The following PTPRD variants were observed in gnomAD, a reference collection of about 807,000 sequenced individuals.
PTPRD encodes the protein receptor-type tyrosine-protein phosphatase delta.
Under a neutral mutation model 214.5 loss-of-function variants are expected in PTPRD, and 34 were observed. That is an observed-to-expected ratio of 0.16 (90% CI 0.12 to 0.21). The LOEUF (loss-of-function observed/expected upper bound fraction) is 0.21, where lower values mean the gene tolerates loss of function less well. Ranked by LOEUF, PTPRD falls within the 10% of genes least tolerant of loss-of-function variation. PTPRD has a pLI of 1.00. For synonymous variants in PTPRD, 1,128 were observed against 845.7 expected (o/e 1.33, Z -5.79); for missense variants, 2,545 against 2,398.7 (o/e 1.06, Z -1.27).
At chr9:8,736,799 T>A (rs996612727) in intron 11 of PTPRD, among the ~76,000 whole-genome samples, 1 of 152,022 alleles carries the variant, frequency 6.6e-6, no homozygotes, top group Non-Finnish European at 1.5e-5. Flanking sequence ...CCAAATCAGC[T>A]ATTGTTATCA....
intron 12 of PTPRD, among the ~76,000 whole-genome samples, chr9:8,703,460 T>C (rs1382578013): frequency 1.3e-5 from 2 of 152,224 alleles, no homozygotes; most frequent in East Asian, 3.9e-4. Context: ...ATGTCCCTGC[T>C]ATTACCAAGT....
intron 3 of PTPRD, among the ~76,000 whole-genome samples, chr9:10,270,832 T>C (rs1477948569): frequency 6.6e-6 from 1 of 151,254 alleles, no homozygotes; most frequent in East Asian, 1.9e-4. Context: ...AAATTCTTTG[T>C]CATAATATTT....
intron 10 of PTPRD, among the ~76,000 whole-genome samples, chr9:9,058,635 G>C: frequency 6.6e-6 from 1 of 150,792 alleles, no homozygotes; most frequent in Non-Finnish European, 1.5e-5. Context: ...ATTTTTAGTA[G>C]AGACGGGGTT....
intron 11 of PTPRD, among the ~76,000 whole-genome samples, chr9:8,935,248 C>T (rs977162920): frequency 6.6e-6 from 1 of 152,056 alleles, no homozygotes; most frequent in Non-Finnish European, 1.5e-5. Context: ...TAAAAAAATT[C>T]AGTAAAGTTG....
chr9:9,846,112 T>C (rs1050413983), intron 5 of PTPRD, among the ~76,000 whole-genome samples: 8 of 152,130 alleles, frequency 5.3e-5, no homozygotes, highest in Non-Finnish European at 1.2e-4. Flanking sequence ...ATTTATCAGT[T>C]ATCTAAACGT....
At chr9:10,432,275 G>C (rs1375026264) in intron 2 of PTPRD, among the ~76,000 whole-genome samples, 1 of 131,708 alleles carries the variant, frequency 7.6e-6, no homozygotes, top group Non-Finnish European at 1.6e-5. Context: ...ATCACACTCT[G>C]GGGACTGTGG....
chr9:10,373,458 T>C (rs1485480645), intron 2 of PTPRD, among the ~76,000 whole-genome samples: 1 of 152,130 alleles, frequency 6.6e-6, no homozygotes, highest in Non-Finnish European at 1.5e-5. Context: ...GCCTCACTTA[T>C]ATATTTACTC....
chr9:9,660,097 C>T (rs1276870677), intron 7 of PTPRD, among the ~76,000 whole-genome samples: 1 of 151,844 alleles, frequency 6.6e-6, no homozygotes, highest in Non-Finnish European at 1.5e-5. Flanking sequence ...GTTTGTAAAG[C>T]TATTGGCCTA....
At chr9:9,433,147 A>G (rs181270782) in intron 8 of PTPRD, among the ~76,000 whole-genome samples, 32 of 152,326 alleles carry the variant, frequency 2.1e-4, no homozygotes, top group East Asian at 1.4e-3. Flanking sequence ...CCTTCAAAGC[A>G]AACACATGCT....
chr9:9,592,153 C>G (rs1285382234), intron 7 of PTPRD, among the ~76,000 whole-genome samples: 1 of 151,974 alleles, frequency 6.6e-6, no homozygotes, highest in Non-Finnish European at 1.5e-5. Flanking sequence ...TATGAAATAA[C>G]TGGAGAATCA....
intron 2 of PTPRD, among the ~76,000 whole-genome samples, chr9:10,472,633 C>A (rs1049505660): frequency 6.6e-6 from 1 of 152,062 alleles, no homozygotes; most frequent in African/African-American, 2.4e-5. Context: ...GTAATAACAA[C>A]CTTCTTTTGA....
intron 2 of PTPRD, among the ~76,000 whole-genome samples, chr9:10,388,557 G>A (rs1034547175): frequency 2.0e-5 from 3 of 150,154 alleles, no homozygotes; most frequent in Non-Finnish European, 4.4e-5. Flanking sequence ...GCATTTTGAA[G>A]TAATTTATAT....
At chr9:9,472,614 G>A (rs16929559) in intron 8 of PTPRD, among the ~76,000 whole-genome samples, 2,453 of 152,074 alleles carry the variant, frequency 0.016, 79 homozygotes, top group African/African-American at 0.057. Flanking sequence ...GAAAAAAATA[G>A]GCTAAAATAA....
intron 14 of PTPRD, among the ~76,000 whole-genome samples, chr9:8,609,698 A>G (rs1181237040): frequency 1.3e-5 from 2 of 151,740 alleles, no homozygotes; most frequent in East Asian, 3.9e-4. Context: ...TATTTAACTC[A>G]AGTTTATTTT....
At chr9:10,119,553 A>C (rs1484056283) in intron 3 of PTPRD, among the ~76,000 whole-genome samples, 1 of 152,026 alleles carries the variant, frequency 6.6e-6, no homozygotes, top group East Asian at 1.9e-4. Flanking sequence ...CATAACTCTC[A>C]TCCATATATA....
chr9:8,459,227 T>C (rs886136207), intron 33 of PTPRD, among the ~76,000 whole-genome samples: 4 of 152,072 alleles, frequency 2.6e-5, no homozygotes, highest in Admixed American at 2.6e-4. Flanking sequence ...AATGAGATTA[T>C]TAGATTAAGC....
chr9:10,518,921 G>T (rs751718218), intron 2 of PTPRD, among the ~76,000 whole-genome samples: 5 of 151,542 alleles, frequency 3.3e-5, no homozygotes, highest in African/African-American at 4.9e-5. Context: ...ATACATAAAA[G>T]ATAATGAACA....
chr9:9,400,099 T>G (rs1254772666), intron 8 of PTPRD, among the ~76,000 whole-genome samples: 1 of 151,374 alleles, frequency 6.6e-6, no homozygotes, highest in Non-Finnish European at 1.5e-5. Context: ...CTAGTTTTTT[T>G]TTTTTTTTTT....
intron 12 of PTPRD, among the ~76,000 whole-genome samples, chr9:8,697,096 T>A (rs2097927450): frequency 6.6e-6 from 1 of 152,176 alleles, no homozygotes; most frequent in Admixed American, 6.5e-5. Context: ...TGTCTAGTAT[T>A]TGGCTTTTGG....
Sources: gnomAD v4.1 joint callset for allele counts (sites outside exome capture counted in the v4.1 genomes callset) on GRCh38, gnomAD v4.1.1 for gene constraint, MANE v1.5 for transcripts, NCBI Gene and HGNC (gene_info 2026-07-23, HGNC 2026-07-21) for gene names.